Variants in HR observed in about 807,000 individuals in gnomAD.
HR encodes the protein HR lysine demethylase and nuclear receptor corepressor.
HR carries 83 observed loss-of-function variants against 128.6 expected under a neutral mutation model. The observed-to-expected ratio is 0.65, with a 90% CI of 0.54 to 0.77. The LOEUF (loss-of-function observed/expected upper bound fraction) is 0.77, where lower values mean the gene tolerates loss of function less well. Ranked by LOEUF, HR falls within the 30% of genes least tolerant of loss-of-function variation. HR has a pLI of 0.00. For synonymous variants in HR, 681 were observed against 658.2 expected (o/e 1.03, Z -0.53); for missense variants, 1,490 against 1,574.6 (o/e 0.95, Z 0.91).
At position 22,120,698 on chromosome 8, in the gene HR, A is replaced by T; in HGVS notation, c.2610+18T>A. The T allele has an allele frequency of 1.3e-6, 2 of 1,498,072 alleles. No individual in the cohort carries two copies. Among genetic ancestry groups the T allele is most frequent in the Non-Finnish European group, 8.9e-7 (1 of 1,125,584 alleles). The allele number at this position is 1,498,072 out of a possible 1,614,324, so 92.8% of individuals were successfully genotyped here. A position where few individuals can be genotyped will look rare whatever the true frequency, so the allele number is the denominator to read the frequency against. On this transcript the variant is annotated intron_variant, in intron 11 of 18. Transcript: ENST00000381418. The stretch of plus-strand genomic sequence containing the variant: ...GTGGGGTGGCCAGGGCCGGGAGGGG[A>T]GGGGAGGGGTGCCTCACCTGGCCCT...
chr8:22,123,625 T>A, intron 6 of HR, 24 bp downstream of exon 6: 1 of 116,752 alleles, frequency 8.6e-6, no homozygotes, highest in Non-Finnish European at 1.6e-5. Context: ...CATCCCGCCC[T>A]CCCACCCCCA....
In HR at chr8:22,128,961, C is replaced by G. The variant is rs764700186; in HGVS notation, c.210G>C (p.Lys70Asn). The change falls in exon 2 of 19, where the codon AAG (lysine) becomes AAC (asparagine). Residue 70 changes from lysine (K) to asparagine (N), a missense_variant. By Grantham distance (94) the Lys-to-Asn change is moderately conservative. This residue lies in a region of HR where 1,060 missense variants were observed against 1,060.9 expected (regional missense o/e 1.00). Transcript: ENST00000381418. Reference sequence around the variant, plus strand: ...CGCCCTCCACAAGTGGGAGCATGTCCTTGGGGCCCTGGGGGAAGCCAGGGG... The same window carrying G: ...CGCCCTCCACAAGTGGGAGCATGTCGTTGGGGCCCTGGGGGAAGCCAGGGG... ...WLPPGFPQGP[K>N]DMLPLVEGEG... is the part of the protein sequence containing the mutation. The G allele has an allele frequency of 2.1e-5, 34 of 1,613,296 alleles. No homozygotes were observed. The highest frequency in any genetic ancestry group is 2.8e-5 in the Non-Finnish European group (33 of 1,179,994).
At position 22,115,307 on chromosome 8, in the gene HR, G is replaced by C. The variant is rs1467839684; in HGVS notation, c.*393C>G. The C allele has an allele frequency of 2.9e-6, 1 of 345,274 alleles. No homozygotes were observed. Among genetic ancestry groups the C allele is most frequent in the African/African-American group, 2.1e-5 (1 of 47,708 alleles). 21.4% of individuals were successfully genotyped at this position (345,274 alleles called of 1,614,324 possible). ...TGGTAGAAACGGAGCTGGGGCAGTA[G>C]AGTGGGCTCAGCGGGAGTGAGCAGC... On this transcript the variant is annotated 3_prime_UTR_variant, in exon 19 of 19. Coordinates refer to ENST00000381418, the MANE Select transcript of HR (RefSeq NM_005144.5).
chr8:22,123,617 T>TGTC, intron 6 of HR, 32 bp downstream of exon 6: 6 of 292,088 alleles, frequency 2.1e-5, no homozygotes, highest in East Asian at 1.1e-4. Context: ...GAGGGCTCCA[T>TGTC]CCCGCCCTCC....
intron 3 of HR, 128 bp from the exon 4 acceptor site, chr8:22,125,860 C>A: frequency 9.2e-7 from 1 of 1,091,306 alleles, no homozygotes; most frequent in Non-Finnish European, 1.3e-6. Flanking sequence ...TCTCTGAAGC[C>A]TAATTCAGAA....
Position 22,121,052 on chromosome 8 carries a change from T to C in HR, c.2367+13A>G. On this transcript the variant is annotated intron_variant, in intron 10 of 18. Transcript: ENST00000381418. ...CCCCTGGCTCCTAGCCCTCCCTCCG[T>C]GCCCTCACTCACACTGGGCAGGGCC... 6.2e-7 allele frequency: 1 copy of C among 1,613,428 alleles called. No homozygotes were observed. The highest frequency in any genetic ancestry group is 1.7e-4 in the Middle Eastern group (1 of 6,060).
At position 22,125,628 on chromosome 8, in the gene HR, C is replaced by T; in HGVS notation, c.1510G>A (p.Ala504Thr). 6.2e-7 allele frequency: 1 copy of T among 1,610,020 alleles called. No individual in the cohort carries two copies. Among genetic ancestry groups the T allele is most frequent in the Non-Finnish European group, 8.5e-7 (1 of 1,178,596 alleles). ...CAGGCGTGCCCTCCTCCCTCTCCAG[C>T]TGCCTGGGCACAACTTTGGCATTGA... Reference protein sequence around the residue: ...LAQCQSCAQAAGEGGGHACHS... With the variant: ...LAQCQSCAQATGEGGGHACHS... The change falls in exon 4 of 19, where the codon GCT (alanine) becomes ACT (threonine). Residue 504 changes from alanine to threonine, a missense_variant. This residue lies in a region of HR where 1,060 missense variants were observed against 1,060.9 expected (regional missense o/e 1.00). Coordinates refer to ENST00000381418, the MANE Select transcript of HR (RefSeq NM_005144.5).
At chr8:22,126,327 A>G (rs1486152242) in intron 3 of HR, among the ~76,000 whole-genome samples, 2 of 152,130 alleles carry the variant, frequency 1.3e-5, no homozygotes, top group Non-Finnish European at 2.9e-5. Flanking sequence ...AGCTGAAAAA[A>G]CCGAAGTGAT....
chr8:22,116,407 CTGT>C lies in HR; in HGVS notation c.3397_3399del (p.Thr1133del). ...GAGAGGAAGTGCTGAGTGACGCTGA[CTGT>C]GCTCACCAGGCCCTGCACCTGTGTC... On this transcript the variant is annotated inframe_deletion, in exon 18 of 19. Transcript: ENST00000381418. This position sits in a 1 kb window ranked among gnomAD's most constrained non-coding sequence, Gnocchi z 4.2. 6.2e-7 allele frequency: 1 copy of C among 1,613,796 alleles called. No individual in the cohort carries two copies. Among genetic ancestry groups the C allele is most frequent in the Non-Finnish European group, 8.5e-7 (1 of 1,179,924 alleles).
chr8:22,129,588 A>G (rs546895826), intron 1 of HR, among the ~76,000 whole-genome samples: 14 of 152,388 alleles, frequency 9.2e-5, no homozygotes, highest in Non-Finnish European at 1.9e-4. Flanking sequence ...CCTATGCTGT[A>G]TGGCCTTGGG....
rs376198743 is a variant in HR at position 22,117,032 on chromosome 8, G to T, written c.3221C>A (p.Pro1074Gln). 6 of 1,502,838 alleles carry T rather than the reference G, an allele frequency of 4.0e-6. No homozygotes were observed. In the South Asian group the frequency reaches 5.2e-5, roughly 13 times the overall value. 93.1% of individuals were successfully genotyped at this position (1,502,838 alleles called of 1,614,324 possible). ...RIRRFLQMVC[P>Q]AGAGALEPGA... ...AGGCTCCAGGGCGCCTGCCCCGGCC[G>T]GGCACACCTCAAAGAAGAGAAGGGG... is the stretch of plus-strand genomic sequence containing the variant. The change falls in exon 17 of 19, where the codon CCG becomes CAG. Residue 1074 changes from proline (P) to glutamine (Q), a missense_variant. Physicochemically the swap from Pro to Gln is moderately conservative, Grantham distance 76. Transcript: ENST00000381418.
chr8:22,118,739 T>C (rs1194455782), intron 16 of HR: 1 of 595,750 alleles, frequency 1.7e-6, no homozygotes, highest in African/African-American at 1.9e-5. Context: ...CAGGCTCTCC[T>C]GCCGCAGCCC....
At chr8:22,123,432 C>T (rs562074154) in intron 6 of HR, among the ~76,000 whole-genome samples, 51 of 152,208 alleles carry the variant, frequency 3.4e-4, no homozygotes, top group Non-Finnish European at 6.5e-4. Flanking sequence ...TGGGCACACT[C>T]GCCTTTGTTT....
intron 14 of HR, 62 bp from the exon 15 acceptor site, chr8:22,119,345 A>G: frequency 2.5e-6 from 4 of 1,606,684 alleles, no homozygotes; most frequent in African/African-American, 1.3e-5. Context: ...GCGGTTGCTC[A>G]CGCCTGTAAT....
In HR at chr8:22,119,173, C is replaced by G; in HGVS notation, c.3088G>C (p.Ala1030Pro). 6.2e-7 allele frequency: 1 copy of G among 1,613,836 alleles called. No individual in the cohort carries two copies. Among genetic ancestry groups the G allele is most frequent in the Non-Finnish European group, 8.5e-7 (1 of 1,180,026 alleles). The change falls in exon 15 of 19, where the codon GCA becomes CCA. Residue 1030 changes from alanine to proline, a missense_variant. This residue lies in a region of HR where 423 missense variants were observed against 495.9 expected (regional missense o/e 0.85). Coordinates refer to ENST00000381418, the MANE Select transcript of HR (RefSeq NM_005144.5). The part of the protein sequence containing the change: ...ADTPLPAWHR[A>P]QKDFLSGLDG... ...CTGGCCGAGGACCTACCTTTCTGTGCCCGGTGCCAGGCAGGCAGTGGTGTG... is the reference window on the plus strand; with the variant it reads ...CTGGCCGAGGACCTACCTTTCTGTGGCCGGTGCCAGGCAGGCAGTGGTGTG...
Position 22,129,102 on chromosome 8 carries a change from G to A in HR, c.69C>T (p.Ile23=), listed in dbSNP as rs760881868. Residue 23 remains isoleucine, a synonymous_variant, in exon 2 of 19, where the codon ATC becomes ATT. Coordinates refer to ENST00000381418, the MANE Select transcript of HR (RefSeq NM_005144.5). ...GCGGGCTGCCGGGCTCCTGTCTCACGATGCCGTTCTCTGGGGCCGTCTTCT... is the reference window on the plus strand; with the variant it reads ...GCGGGCTGCCGGGCTCCTGTCTCACAATGCCGTTCTCTGGGGCCGTCTTCT... ...TWEKTAPENG[I]VRQEPGSPPR... 1.1e-5 allele frequency: 17 copies of A among 1,571,224 alleles called. 1 individual carries two copies. In the South Asian group the frequency reaches 1.8e-4, roughly 17 times the overall value.
chr8:22,121,674 C>G lies in HR; in HGVS notation c.2142G>C (p.Thr714=), dbSNP rs561991469. Residue 714 remains threonine (T), a synonymous_variant, in exon 9 of 19, where the codon ACG becomes ACC. Coordinates refer to ENST00000381418, the MANE Select transcript of HR (RefSeq NM_005144.5). ...TGCAGGAAGGTTGTGGAGTTGGGGG[C>G]GTTTTCTGTGTTGATTCCTTCTGTT... ...AGQQKESTQK[T]PPTPQPSCNG... is the part of the protein sequence containing the mutation. The G allele has an allele frequency of 6.2e-7, 1 of 1,614,112 alleles. No homozygotes were observed. Among genetic ancestry groups the G allele is most frequent in the Non-Finnish European group, 8.5e-7 (1 of 1,180,020 alleles).
At position 22,115,520 on chromosome 8, in the gene HR, C is replaced by T. The variant is rs564901808; in HGVS notation, c.*180G>A. ...AGAAGGACAGGTGTGAGCTTGGTGG[C>T]ACTGTGGTTGTTGGCTTAAGGGGGA... On this transcript the variant is annotated 3_prime_UTR_variant, in exon 19 of 19. Transcript: ENST00000381418. 8.6e-4 allele frequency: 565 copies of T among 657,982 alleles called. No individual in the cohort carries two copies. Among genetic ancestry groups the T allele is most frequent in the Middle Eastern group, 5.5e-3 (14 of 2,534 alleles). 40.8% of individuals were successfully genotyped at this position (657,982 alleles called of 1,614,324 possible). A position where few individuals can be genotyped will look rare whatever the true frequency, so the allele number is the denominator to read the frequency against.
Position 22,128,642 on chromosome 8 carries a change from A to C in HR, c.529T>G (p.Cys177Gly), listed in dbSNP as rs1487644446. The C allele has an allele frequency of 6.3e-7, 1 of 1,596,352 alleles. No individual in the cohort carries two copies. Among genetic ancestry groups the C allele is most frequent in the South Asian group, 1.1e-5 (1 of 88,588 alleles). ...GGGTGCGGGGTCAGGGGCCAGTCAC[A>C]TGGATGCTCTGGGGGCAGGCCAGAC... ...LVSGLPPEHP[C>G]DWPLTPHPWV... The change falls in exon 2 of 19, where the codon TGT becomes GGT. Residue 177 changes from cysteine (C) to glycine (G), a missense_variant. By Grantham distance (159) the Cys-to-Gly change is radical. Transcript: ENST00000381418.
Sources: gnomAD v4.1 joint callset for allele counts (sites outside exome capture counted in the v4.1 genomes callset) on GRCh38, gnomAD v4.1.1 for gene constraint, gnomAD v4.1.1 regional missense constraint, Gnocchi (gnomAD v3.1) non-coding constraint, MANE v1.5 for transcripts, NCBI Gene and HGNC (gene_info 2026-07-23, HGNC 2026-07-21) for gene names.